Variants in MICALL1 observed in about 807,000 individuals in gnomAD.
MICALL1 encodes MICAL-like protein 1.
MICALL1 carries 61 observed loss-of-function variants against 83.7 expected under a neutral mutation model. The ratio of observed to expected loss-of-function variants is 0.73; its 90% CI spans 0.59 to 0.90. MICALL1 has a LOEUF of 0.90. MICALL1 is among the 40% of genes least tolerant of loss of function. MICALL1 has a pLI of 0.00. For synonymous variants in MICALL1, 481 were observed against 473.6 expected, an observed-to-expected ratio of 1.02 and a Z score of -0.20; for missense variants, 1,066 against 1,152.0, an observed-to-expected ratio of 0.93 and a Z score of 1.08.
Position 37,940,823 on chromosome 22 carries a change from A to T in MICALL1, c.2585A>T (p.Lys862Met), listed in dbSNP as rs1237158116. 6.2e-7 allele frequency: 1 copy of T among 1,613,784 alleles called. No homozygotes were observed. The highest frequency in any genetic ancestry group is 1.3e-5 in the African/African-American group (1 of 74,924). The change falls in exon 16 of 16, where the codon AAG becomes ATG. Residue 862 changes from lysine to methionine, a missense_variant. Physicochemically the swap from Lys to Met is moderately conservative, Grantham distance 95. Coordinates refer to ENST00000215957, the MANE Select transcript of MICALL1 (RefSeq NM_033386.4). Reference protein sequence around the residue: ...RDAKSKSPRDKS With the variant: ...RDAKSKSPRDMS ...GCCAAGAGCAAGTCCCCCAGAGACA[A>T]GAGCTAACAGCACGAGAAGCCAGTT...
At chr22:37,912,545 G>C in intron 3 of MICALL1, 53 bp downstream of exon 3, 1 of 1,506,512 alleles carries the variant, frequency 6.6e-7, no homozygotes, top group Non-Finnish European at 9.0e-7. Context: ...GTGGCCCTGG[G>C]GATGTCTGAT....
At chr22:37,911,842 G>A in intron 1 of MICALL1, 110 bp from the exon 2 acceptor site, 1 of 1,070,700 alleles carries the variant, frequency 9.3e-7, no homozygotes, top group Non-Finnish European at 1.4e-6. Flanking sequence ...TGAGGTTGAT[G>A]CTGGCTGGGA....
Position 37,925,799 on chromosome 22 carries a change from C to G in MICALL1, c.1221C>G (p.Thr407=), listed in dbSNP as rs143910997. The G allele has an allele frequency of 2.5e-6, 4 of 1,613,524 alleles. 1 individual carries two copies. The Admixed American group carries it at 6.7e-5, about 27-fold the overall frequency. Residue 407 remains threonine, a synonymous_variant, in exon 8 of 16, where the codon ACC becomes ACG. Transcript: ENST00000215957. ...GCAGGCAGGTGGAGAATGGAGGCACCGAGGAGGTGGCCCAGCCGAGCCCAA... is the reference window on the plus strand; with the variant it reads ...GCAGGCAGGTGGAGAATGGAGGCACGGAGGAGGTGGCCCAGCCGAGCCCAA... ...QDSRQVENGG[T]EEVAQPSPTA...
At chr22:37,916,153 G>GCCTGGTGGGCAGGGGCAGC in intron 3 of MICALL1, among the ~76,000 whole-genome samples, 1 of 152,186 alleles carries the variant, frequency 6.6e-6, no homozygotes, top group African/African-American at 2.4e-5. Flanking sequence ...TCTCTGGGCA[G>GCCTGGTGGGCAGGGGCAGC]CCTGGTGGGC....
At chr22:37,938,723 GC>G (rs1259063566) in intron 15 of MICALL1, among the ~76,000 whole-genome samples, 1 of 150,992 alleles carries the variant, frequency 6.6e-6, no homozygotes, top group Non-Finnish European at 1.5e-5. Flanking sequence ...CCAAGTTCAA[GC>G]AATTCTGCTT....
intron 3 of MICALL1, among the ~76,000 whole-genome samples, chr22:37,916,341 G>T (rs576106169): frequency 6.6e-6 from 1 of 152,262 alleles, no homozygotes; most frequent in East Asian, 1.9e-4. Context: ...TCTGCCTTTT[G>T]TAATAAAAAA....
At position 37,922,099 on chromosome 22, in the gene MICALL1, C is replaced by T. The variant is rs1929071587; in HGVS notation, c.697C>T (p.Pro233Ser). 1 of 1,613,236 alleles carries T rather than the reference C, an allele frequency of 6.2e-7. No individual in the cohort carries two copies. The highest frequency in any genetic ancestry group is 8.5e-7 in the Non-Finnish European group (1 of 1,180,014). ...GACACGGTCGGGGACCAGGCCTGGG[C>T]CCTTCTCACAGCCAAAGCAGCAGCA... ...PGTRSGTRPG[P>S]FSQPKQQHQQ... The change falls in exon 6 of 16, where the codon CCC becomes TCC. Residue 233 changes from proline (P) to serine (S), a missense_variant. Physicochemically the swap from Pro to Ser is moderately conservative, Grantham distance 74. Transcript: ENST00000215957.
intron 3 of MICALL1, among the ~76,000 whole-genome samples, chr22:37,913,282 A>G (rs959291935): frequency 6.6e-6 from 1 of 152,210 alleles, no homozygotes; most frequent in Non-Finnish European, 1.5e-5. Flanking sequence ...TATCTTGAGT[A>G]AAAGAGCCTG....
chr22:37,914,449 A>G (rs995774083), intron 3 of MICALL1, among the ~76,000 whole-genome samples: 1 of 150,380 alleles, frequency 6.6e-6, no homozygotes, highest in African/African-American at 2.4e-5. Context: ...CTGGTCTCGA[A>G]TTCCTGACCT....
chr22:37,935,349 C>A (rs1036479882), intron 13 of MICALL1, among the ~76,000 whole-genome samples: 4 of 151,598 alleles, frequency 2.6e-5, no homozygotes, highest in African/African-American at 9.7e-5. Flanking sequence ...CACGCTCCGC[C>A]TCCTGGGTTT....
chr22:37,927,669 C>T lies in MICALL1; in HGVS notation c.1724C>T (p.Pro575Leu), dbSNP rs769691240. 2 of 1,614,184 alleles carry T rather than the reference C, an allele frequency of 1.2e-6. No homozygotes were observed. The highest frequency in any genetic ancestry group is 3.3e-5 in the Admixed American group (2 of 60,026). The change falls in exon 9 of 16, where the codon CCT (proline) becomes CTT (leucine). Residue 575 changes from proline to leucine, a missense_variant. Coordinates refer to ENST00000215957, the MANE Select transcript of MICALL1 (RefSeq NM_033386.4). ...GTGGAGCCTAGAGTGGAACAAATGC[C>T]TCAAGCCAGCCCTGGCCTTGCCCCC... ...ELVEPRVEQM[P>L]QASPGLAPRT...
chr22:37,927,018 C>G (rs1402111822), intron 8 of MICALL1: 1 of 255,974 alleles, frequency 3.9e-6, no homozygotes, highest in African/African-American at 2.2e-5. Flanking sequence ...CCCGGCAGTG[C>G]CTGTCCCAGA....
intron 13 of MICALL1, 120 bp from the exon 14 acceptor site, chr22:37,936,960 T>C: frequency 1.4e-6 from 1 of 738,594 alleles, no homozygotes; most frequent in South Asian, 1.9e-5. Flanking sequence ...CTGCGCTTAG[T>C]TTCTTGCATG....
At position 37,932,017 on chromosome 22, in the gene MICALL1, A is replaced by T; in HGVS notation, c.2016+84A>T. 1.3e-6 allele frequency: 2 copies of T among 1,541,040 alleles called. No homozygotes were observed. On this transcript the variant is annotated intron_variant, in intron 10 of 15. Coordinates refer to ENST00000215957, the MANE Select transcript of MICALL1 (RefSeq NM_033386.4). The surrounding 1 kb of genome is among the most constrained non-coding windows in gnomAD (Gnocchi z 4.4). Reference sequence around the variant, plus strand: ...AGCTGCAGTCTTCCCCTGGGACTCTAAGGAGGCTGGCTGGCTAGGCAGTGG... The same window carrying T: ...AGCTGCAGTCTTCCCCTGGGACTCTTAGGAGGCTGGCTGGCTAGGCAGTGG...
Position 37,927,645 on chromosome 22 carries a change from T to C in MICALL1, c.1700T>C (p.Val567Ala). 6.2e-7 allele frequency: 1 copy of C among 1,614,162 alleles called. No homozygotes were observed. The highest frequency in any genetic ancestry group is 1.1e-5 in the South Asian group (1 of 91,090). ...NSSLASSGEL[V>A]EPRVEQMPQA... ...TCCCTGGCCTCCTCTGGGGAACTAG[T>C]GGAGCCTAGAGTGGAACAAATGCCT... The change falls in exon 9 of 16, where the codon GTG becomes GCG. Residue 567 changes from valine (V) to alanine (A), a missense_variant. By Grantham distance (64) the Val-to-Ala change is moderately conservative. Transcript: ENST00000215957.
At chr22:37,937,914 C>G in intron 15 of MICALL1, 122 bp downstream of exon 15, 1 of 1,220,046 alleles carries the variant, frequency 8.2e-7, no homozygotes, top group South Asian at 1.3e-5. Context: ...TGCACAAACT[C>G]CGCAGCCTCT....
intron 4 of MICALL1, 33 bp downstream of exon 4, chr22:37,917,828 G>T: frequency 6.3e-7 from 1 of 1,585,406 alleles, no homozygotes; most frequent in South Asian, 1.1e-5. Flanking sequence ...GGGAGGGCCA[G>T]GGGTGGAGGG....
At chr22:37,914,875 C>G (rs1928578424) in intron 3 of MICALL1, among the ~76,000 whole-genome samples, 1 of 151,180 alleles carries the variant, frequency 6.6e-6, no homozygotes. Context: ...CTCCTAAGCT[C>G]AAGGGATCTA....
intron 6 of MICALL1, among the ~76,000 whole-genome samples, chr22:37,923,805 C>T (rs1929247122): frequency 6.6e-6 from 1 of 152,180 alleles, no homozygotes; most frequent in Non-Finnish European, 1.5e-5. Flanking sequence ...AGGCACACTG[C>T]AGGTGACCTC....
Sources: gnomAD v4.1 joint callset for allele counts (sites outside exome capture counted in the v4.1 genomes callset) on GRCh38, gnomAD v4.1.1 for gene constraint, Gnocchi (gnomAD v3.1) non-coding constraint, MANE v1.5 for transcripts, NCBI Gene and HGNC (gene_info 2026-07-23, HGNC 2026-07-21) for gene names.